The following SGK1 variants were observed in gnomAD, a reference collection of about 807,000 sequenced individuals.
The protein encoded by SGK1 is serum/glucocorticoid regulated kinase 1.
A neutral mutation model predicts 64.2 loss-of-function variants in SGK1; 26 were observed. That is an observed-to-expected ratio of 0.40 (90% CI 0.30 to 0.56). The LOEUF (loss-of-function observed/expected upper bound fraction) is 0.56. Ranked by LOEUF, SGK1 falls within the 20% of genes least tolerant of loss-of-function variation. The pLI is 0.38. For synonymous variants in SGK1, 265 were observed against 239.7 expected, an observed-to-expected ratio of 1.11 and a Z score of -0.98; for missense variants, 519 against 645.6, an observed-to-expected ratio of 0.80 and a Z score of 2.12.
At chr6:134,288,032 T>C (rs964765767) in intron 1 of SGK1, among the ~76,000 whole-genome samples, 2 of 152,176 alleles carry the variant, frequency 1.3e-5, no homozygotes, top group African/African-American at 4.8e-5. Context: ...GAACATAAAC[T>C]AAGACAAGAG....
chr6:134,206,358 TATATATATATATATA>T (rs1775773627), intron 3 of SGK1, among the ~76,000 whole-genome samples: 1 of 8,224 alleles, frequency 1.2e-4, no homozygotes, highest in Non-Finnish European at 4.0e-4. Flanking sequence ...TATATATATA[TATATATATATATATA>T]TATATATATA....
chr6:134,270,579 T>C (rs1156468551), intron 1 of SGK1, among the ~76,000 whole-genome samples: 1 of 148,022 alleles, frequency 6.8e-6, no homozygotes, highest in African/African-American at 2.4e-5. Flanking sequence ...GAAGATGGAG[T>C]GACTTTTAGA....
chr6:134,252,152 A>G (rs1286774447), intron 2 of SGK1, among the ~76,000 whole-genome samples: 2 of 152,312 alleles, frequency 1.3e-5, no homozygotes, highest in East Asian at 1.9e-4. Flanking sequence ...AGTCCATGCT[A>G]TCTCTTTCCA....
At chr6:134,236,702 A>T (rs1776369552) in intron 2 of SGK1, among the ~76,000 whole-genome samples, 1 of 152,154 alleles carries the variant, frequency 6.6e-6, no homozygotes, top group Non-Finnish European at 1.5e-5. Context: ...GGGATGACTA[A>T]TTTGGGGTGT....
intron 1 of SGK1, among the ~76,000 whole-genome samples, chr6:134,264,682 C>G (rs917934671): frequency 1.3e-5 from 2 of 151,410 alleles, no homozygotes; most frequent in Non-Finnish European, 2.9e-5. Context: ...TTGTTTTGTT[C>G]CCCAGATTGG....
At chr6:134,175,937 G>A in intron 3 of SGK1, 1 of 1,170,236 alleles carries the variant, frequency 8.5e-7, no homozygotes, top group East Asian at 3.8e-5. Context: ...GAATGTGGAG[G>A]GGAGGGGGCG....
At chr6:134,311,375 G>A (rs780479606) in intron 1 of SGK1, among the ~76,000 whole-genome samples, 3 of 152,160 alleles carry the variant, frequency 2.0e-5, no homozygotes, top group African/African-American at 7.2e-5. Context: ...AGTTGTGGTG[G>A]CTCATGCTTG....
intron 2 of SGK1, among the ~76,000 whole-genome samples, chr6:134,244,830 C>T (rs1776501620): frequency 6.6e-6 from 1 of 152,218 alleles, no homozygotes; most frequent in African/African-American, 2.4e-5. Flanking sequence ...GGCTGGAGTG[C>T]AATGGCGCAA....
chr6:134,174,970 C>T, intron 3 of SGK1: 2 of 1,360,214 alleles, frequency 1.5e-6, no homozygotes, highest in Middle Eastern at 2.7e-4. Context: ...CTCGCCCCGC[C>T]CCGGCCGCCT....
intron 2 of SGK1, among the ~76,000 whole-genome samples, chr6:134,218,955 T>C (rs2114699398): frequency 6.6e-6 from 1 of 152,210 alleles, no homozygotes; most frequent in South Asian, 2.1e-4. Context: ...AACACAGCTT[T>C]TCAATGTACT....
chr6:134,227,069 G>T (rs1334462059), intron 2 of SGK1, among the ~76,000 whole-genome samples: 1 of 152,108 alleles, frequency 6.6e-6, no homozygotes, highest in Admixed American at 6.6e-5. Flanking sequence ...CCAGCTTAGT[G>T]GTAGTCTTAG....
At chr6:134,312,095 C>G (rs1777617244) in intron 1 of SGK1, among the ~76,000 whole-genome samples, 1 of 152,178 alleles carries the variant, frequency 6.6e-6, no homozygotes, top group African/African-American at 2.4e-5. Context: ...AATGGAAAGA[C>G]TGCTGCTGGT....
intron 1 of SGK1, among the ~76,000 whole-genome samples, chr6:134,306,399 A>C (rs1777535572): frequency 6.6e-6 from 1 of 151,980 alleles, no homozygotes; most frequent in South Asian, 2.1e-4. Flanking sequence ...CTCCAGCCTG[A>C]GCAACAGAGT....
intron 3 of SGK1, among the ~76,000 whole-genome samples, chr6:134,188,806 C>T (rs1409510487): frequency 1.3e-5 from 2 of 151,920 alleles, no homozygotes; most frequent in Non-Finnish European, 2.9e-5. Flanking sequence ...GATCATGGCT[C>T]ACTGCAGCCT....
At chr6:134,207,497 T>A in intron 2 of SGK1, 66 bp from the exon 3 acceptor site, 1 of 1,093,940 alleles carries the variant, frequency 9.1e-7, no homozygotes, top group Non-Finnish European at 1.4e-6. Flanking sequence ...ATTTTAGGCT[T>A]ATAGTTCTAG....
intron 3 of SGK1, among the ~76,000 whole-genome samples, chr6:134,191,835 A>ATTTGTTTTTTTTTTTT (rs1775516677): frequency 1.6e-5 from 1 of 61,204 alleles, no homozygotes; most frequent in African/African-American, 6.7e-5. Flanking sequence ...CGCCCGGCTG[A>ATTTGTTTTTTTTTTTT]TTTTTTTTTT....
At chr6:134,192,440 T>C (rs1209364585) in intron 3 of SGK1, among the ~76,000 whole-genome samples, 1 of 152,210 alleles carries the variant, frequency 6.6e-6, no homozygotes, top group Non-Finnish European at 1.5e-5. Flanking sequence ...AATTTACACC[T>C]TAACAAAATA....
rs545222385 is a variant in SGK1, at chr6:134,199,198, C to T, written c.361+8158G>A. Among the ~76,000 whole-genome samples, 186 of 152,252 alleles carry T rather than the reference C, an allele frequency of 1.2e-3. 2 individuals are homozygous for T. Among genetic ancestry groups the T allele is most frequent in the Middle Eastern group, 6.8e-3 (2 of 294 alleles). On this transcript the variant is annotated intron_variant, in intron 3 of 13. Transcript: ENST00000367858. ...GGGTGAAGAGGAGCAGAAAAGATAA[C>T]TATTGGATAATGGACTTAATACCTG...
intron 2 of SGK1, among the ~76,000 whole-genome samples, chr6:134,226,568 C>A (rs1776183555): frequency 6.6e-6 from 1 of 151,752 alleles, no homozygotes. Context: ...GTGGTACGCA[C>A]CTGTAGTCCC....
Sources: gnomAD v4.1 joint callset for allele counts (sites outside exome capture counted in the v4.1 genomes callset) on GRCh38, gnomAD v4.1.1 for gene constraint, MANE v1.5 for transcripts, NCBI Gene and HGNC (gene_info 2026-07-23, HGNC 2026-07-21) for gene names.